MAP4K4: variants seen among roughly 807,000 people sequenced by gnomAD.
MAP4K4 encodes the protein mitogen-activated protein kinase kinase kinase kinase 4.
A neutral mutation model predicts 189.6 loss-of-function variants in MAP4K4; 38 were observed. That is an observed-to-expected ratio of 0.20 (90% CI 0.15 to 0.26). The LOEUF (loss-of-function observed/expected upper bound fraction) is 0.26, where lower values mean the gene tolerates loss of function less well. MAP4K4 is among the 10% of genes least tolerant of loss of function. The pLI is 1.00. For synonymous variants in MAP4K4, 610 were observed against 624.3 expected (o/e 0.98, Z 0.34); for missense variants, 1,054 against 1,726.9 (o/e 0.61, Z 6.91).
chr2:101,886,670 G>C (rs1213150178), intron 29 of MAP4K4, among the ~76,000 whole-genome samples: 2 of 152,132 alleles, frequency 1.3e-5, no homozygotes, highest in African/African-American at 2.4e-5. Context: ...GAGTATTGTT[G>C]CCTTACGGTT....
chr2:101,811,792 A>C (rs574709279), intron 3 of MAP4K4, among the ~76,000 whole-genome samples: 3 of 152,298 alleles, frequency 2.0e-5, no homozygotes, highest in Non-Finnish European at 4.4e-5. Context: ...TGGCATGGCA[A>C]CTTACTGACC....
chr2:101,852,289 C>G lies in MAP4K4; in HGVS notation c.1234-3688C>G, dbSNP rs79173225. On this transcript the variant is annotated intron_variant, in intron 12 of 32. Coordinates refer to ENST00000324219, the Ensembl canonical transcript of MAP4K4. ...TAGAGACCTAAATGGATTCCTGAGT[C>G]TGTCATCACTCTAAATGCTAAGCGT... Among the ~76,000 whole-genome samples, 1,210 of 152,212 alleles carry G rather than the reference C, an allele frequency of 7.9e-3. 17 individuals carry two copies. Among genetic ancestry groups the G allele is most frequent in the African/African-American group, 0.027 (1,133 of 41,520 alleles).
At chr2:101,719,929 T>G (rs922670988) in intron 2 of MAP4K4, among the ~76,000 whole-genome samples, 1 of 151,908 alleles carries the variant, frequency 6.6e-6, no homozygotes, top group Non-Finnish European at 1.5e-5. Context: ...GGAGAATTGC[T>G]TGTACCTGGG....
At chr2:101,877,521 G>C (rs921040926) in intron 27 of MAP4K4, among the ~76,000 whole-genome samples, 1 of 149,764 alleles carries the variant, frequency 6.7e-6, no homozygotes, top group African/African-American at 2.5e-5. Flanking sequence ...GTGTCGCCAG[G>C]CTGGAGTGCA....
At chr2:101,868,417 G>A (rs901926622) in intron 21 of MAP4K4, among the ~76,000 whole-genome samples, 1 of 152,082 alleles carries the variant, frequency 6.6e-6, no homozygotes, top group Non-Finnish European at 1.5e-5. Context: ...CATAGACTGC[G>A]TTTTTAAAAA....
chr2:101,743,150 A>G (rs752722668), intron 2 of MAP4K4, among the ~76,000 whole-genome samples: 1 of 152,166 alleles, frequency 6.6e-6, no homozygotes, highest in Non-Finnish European at 1.5e-5. Context: ...GGTTAACCAC[A>G]TGTTAACATA....
intron 2 of MAP4K4, among the ~76,000 whole-genome samples, chr2:101,745,727 A>G (rs2149842772): frequency 6.6e-6 from 1 of 152,246 alleles, no homozygotes; most frequent in South Asian, 2.1e-4. Flanking sequence ...GGGTTTAAAG[A>G]TGTGGTTAAA....
chr2:101,856,316 A>C (rs182759915), intron 13 of MAP4K4, among the ~76,000 whole-genome samples, 178 bp downstream of exon 13: 98 of 152,290 alleles, frequency 6.4e-4, no homozygotes, highest in Admixed American at 5.7e-3. Flanking sequence ...GACACCAATA[A>C]ATTCAGTCTC....
At chr2:101,732,477 A>G (rs1297197030) in intron 2 of MAP4K4, among the ~76,000 whole-genome samples, 1 of 152,106 alleles carries the variant, frequency 6.6e-6, no homozygotes, top group African/African-American at 2.4e-5. Context: ...CCGCTCCCCT[A>G]GCCCCATGCA....
intron 2 of MAP4K4, among the ~76,000 whole-genome samples, chr2:101,705,843 T>C (rs2042038039): frequency 6.6e-6 from 1 of 152,192 alleles, no homozygotes; most frequent in Non-Finnish European, 1.5e-5. Flanking sequence ...TTGTGCCTAG[T>C]ATTTGGTTCT....
intron 29 of MAP4K4, among the ~76,000 whole-genome samples, chr2:101,886,377 T>C (rs1018074979): frequency 4.1e-5 from 3 of 72,560 alleles, no homozygotes; most frequent in African/African-American, 3.3e-4. Context: ...GTCAGAAAAT[T>C]AGAGACCTTA....
At chr2:101,771,949 G>A (rs1244799702) in intron 2 of MAP4K4, among the ~76,000 whole-genome samples, 2 of 152,226 alleles carry the variant, frequency 1.3e-5, no homozygotes, top group Middle Eastern at 3.4e-3. Flanking sequence ...GATTGCTGGC[G>A]GTCCTGTGCT....
At chr2:101,788,376 C>T (rs536549192) in intron 2 of MAP4K4, among the ~76,000 whole-genome samples, 43 of 152,232 alleles carry the variant, frequency 2.8e-4, no homozygotes, top group Admixed American at 7.8e-4. Context: ...GACTCTAGAA[C>T]GGGGGCGAAG....
chr2:101,719,718 G>T (rs1038417458), intron 2 of MAP4K4, among the ~76,000 whole-genome samples: 4 of 152,048 alleles, frequency 2.6e-5, no homozygotes, highest in Admixed American at 2.6e-4. Flanking sequence ...GAGAATAAGA[G>T]TTCAAAAAGG....
At chr2:101,697,976 C>A (rs2035205163) in exon 1 of MAP4K4, 1 of 736,320 alleles carries the variant, frequency 1.4e-6, no homozygotes, top group African/African-American at 1.9e-5. Flanking sequence ...CGGGCCGGCT[C>A]GGCTGCCGCG....
chr2:101,781,474 G>C (rs1324473281), intron 2 of MAP4K4, among the ~76,000 whole-genome samples: 1 of 152,154 alleles, frequency 6.6e-6, no homozygotes, highest in East Asian at 1.9e-4. Context: ...AGGTCGAGGG[G>C]CTGGCATCTG....
intron 5 of MAP4K4, among the ~76,000 whole-genome samples, chr2:101,826,469 C>G (rs1057144236): frequency 8.5e-5 from 13 of 152,076 alleles, no homozygotes; most frequent in African/African-American, 2.2e-4. Context: ...TAAACACTTG[C>G]AAATGTCATT....
chr2:101,717,814 A>G (rs2049259053), intron 2 of MAP4K4, among the ~76,000 whole-genome samples: 1 of 152,166 alleles, frequency 6.6e-6, no homozygotes, highest in Non-Finnish European at 1.5e-5. Context: ...AAGACTCAGG[A>G]GTATAGAGAA....
chr2:101,853,697 C>T (rs1356171286), intron 12 of MAP4K4, among the ~76,000 whole-genome samples: 2 of 152,102 alleles, frequency 1.3e-5, no homozygotes, highest in Non-Finnish European at 2.9e-5. Context: ...CACAAAGGCA[C>T]ATACATTATC....
Sources: gnomAD v4.1 joint callset for allele counts (sites outside exome capture counted in the v4.1 genomes callset) on GRCh38, gnomAD v4.1.1 for gene constraint, MANE v1.5 for transcripts, NCBI Gene and HGNC (gene_info 2026-07-23, HGNC 2026-07-21) for gene names.